TBCE: variants seen among roughly 807,000 people sequenced by gnomAD.
TBCE encodes the protein tubulin folding cofactor E, also known as tubulin-specific chaperone E.
TBCE carries 53 observed loss-of-function variants against 77.0 expected under a neutral mutation model. The observed-to-expected ratio is 0.69, with a 90% CI of 0.55 to 0.87. TBCE has a LOEUF of 0.87. TBCE is among the 40% of genes least tolerant of loss of function. TBCE has a pLI of 0.00. For synonymous variants in TBCE, 235 were observed against 241.3 expected (o/e 0.97, Z 0.24); for missense variants, 624 against 622.4 (o/e 1.00, Z -0.03).
At chr1:235,393,299 G>A (rs1678507467) in intron 2 of TBCE, among the ~76,000 whole-genome samples, 1 of 152,232 alleles carries the variant, frequency 6.6e-6, no homozygotes, top group Non-Finnish European at 1.5e-5. Context: ...AGCACTTTGG[G>A]AGGCCGAGGT....
At position 235,437,436 on chromosome 1, in the gene TBCE, G is replaced by T; in HGVS notation, c.1078G>T (p.Ala360Ser). The change falls in exon 12 of 17, where the codon GCC (alanine) becomes TCC (serine). Residue 360 changes from alanine (A) to serine (S), a missense_variant. Coordinates refer to ENST00000642610, the MANE Select transcript of TBCE (RefSeq NM_003193.5). ...AGAGACGGCGCGACTACTCATTATCGCCAGCATTGGCCAGCTGAAGACGCT... is the reference window on the plus strand; with the variant it reads ...AGAGACGGCGCGACTACTCATTATCTCCAGCATTGGCCAGCTGAAGACGCT... The part of the protein sequence containing the change: ...EAETARLLII[A>S]SIGQLKTLNK... 6.2e-7 allele frequency: 1 copy of T among 1,614,030 alleles called. No individual in the cohort carries two copies. The highest frequency in any genetic ancestry group is 8.5e-7 in the Non-Finnish European group (1 of 1,179,996).
At chr1:235,372,491 G>A (rs926210674) in intron 1 of TBCE, among the ~76,000 whole-genome samples, 8 of 152,152 alleles carry the variant, frequency 5.3e-5, no homozygotes, top group African/African-American at 1.9e-4. Flanking sequence ...CAGCATTAGA[G>A]AAATGATTGG....
At chr1:235,407,362 A>G (rs922665180) in intron 3 of TBCE, among the ~76,000 whole-genome samples, 2 of 152,080 alleles carry the variant, frequency 1.3e-5, no homozygotes, top group African/African-American at 4.8e-5. Flanking sequence ...CTGGGATTAC[A>G]GGTGTTACCC....
intron 4 of TBCE, among the ~76,000 whole-genome samples, chr1:235,417,888 C>G (rs561896645): frequency 2.2e-4 from 33 of 152,290 alleles, no homozygotes; most frequent in African/African-American, 7.7e-4. Context: ...AGCGATTCCC[C>G]TGTCTCAGCC....
At position 235,391,600 on chromosome 1, in the gene TBCE, C is replaced by CTTTTTT. The variant is rs58265980; in HGVS notation, c.101-9884_101-9879dup. Among the ~76,000 whole-genome samples, 79 of 85,394 alleles carry CTTTTTT rather than the reference C, an allele frequency of 9.3e-4. 1 individual carries two copies. Among genetic ancestry groups the CTTTTTT allele is most frequent in the Non-Finnish European group, 1.1e-3 (51 of 47,512 alleles). 56.0% of individuals were successfully genotyped at this position (85,394 alleles called of 152,430 possible). A position where few individuals can be genotyped will look rare whatever the true frequency, so the allele number is the denominator to read the frequency against. On this transcript the variant is annotated intron_variant, in intron 2 of 16. Transcript: ENST00000642610. ...TACCATACCATATTTGCTTCATTTCCTTTTTTTTTTTTTTTTTTTTTTTTG... is the reference window on the plus strand; with the variant it reads ...TACCATACCATATTTGCTTCATTTCCTTTTTTTTTTTTTTTTTTTTTTTTTTTTTTG...
rs1351583901 is a variant in TBCE, at chr1:235,448,348, G to A, written c.1400-1G>A. ...AATGGACTTTTCTTGTCTTTTGATA[G>A]GCTCCATGACAATTCAAAAGGTGAA... On this transcript the variant is annotated splice_acceptor_variant, in intron 15 of 16. Transcript: ENST00000642610. LOFTEE classifies it high-confidence loss of function. 1 of 1,613,678 alleles carries A rather than the reference G, an allele frequency of 6.2e-7. No homozygotes were observed. Among genetic ancestry groups the A allele is most frequent in the African/African-American group, 1.3e-5 (1 of 74,886 alleles).
chr1:235,441,672 C>T lies in TBCE; in HGVS notation c.1271-142C>T, dbSNP rs1681885657. 2.5e-5 allele frequency: 18 copies of T among 712,706 alleles called. No homozygotes were observed. The South Asian group carries it at 3.0e-4, about 12-fold the overall frequency. The allele number at this position is 712,706 out of a possible 1,614,324, so 44.1% of individuals were successfully genotyped here. A position where few individuals can be genotyped will look rare whatever the true frequency, so the allele number is the denominator to read the frequency against. ...CGTTGTCCATCACTCCTAAAAATCA[C>T]ACTGAATAAAGGCAGCTCCATGTGT... On this transcript the variant is annotated intron_variant, in intron 13 of 16. Coordinates refer to ENST00000642610, the MANE Select transcript of TBCE (RefSeq NM_003193.5).
rs1188036302 is a variant in TBCE, at chr1:235,452,272, CTGT to C, written c.*3515_*3517del. The C allele has an allele frequency of 1.3e-5, 2 of 152,178 alleles. 1 individual carries two copies. The highest frequency in any genetic ancestry group is 3.9e-4 in the East Asian group (2 of 5,190). 9.4% of individuals were successfully genotyped at this position (152,178 alleles called of 1,614,324 possible). A position where few individuals can be genotyped will look rare whatever the true frequency, so the allele number is the denominator to read the frequency against. On this transcript the variant is annotated 3_prime_UTR_variant, in exon 17 of 17. Coordinates refer to ENST00000642610, the MANE Select transcript of TBCE (RefSeq NM_003193.5). ...CTCATGATCTGCCCGCCTCGGCCTT[CTGT>C]TGTTAAGTTTTAAAGCTGCAAATAA...
At chr1:235,397,270 G>A (rs1051211172) in intron 2 of TBCE, among the ~76,000 whole-genome samples, 1 of 149,392 alleles carries the variant, frequency 6.7e-6, no homozygotes, top group Non-Finnish European at 1.5e-5. Context: ...GGCGCGATCT[G>A]GGCTCACTGC....
intron 1 of TBCE, among the ~76,000 whole-genome samples, chr1:235,377,902 C>T (rs542971355): frequency 1.1e-3 from 173 of 151,990 alleles, no homozygotes; most frequent in Non-Finnish European, 2.0e-3. Context: ...CCACCCGCCT[C>T]GGCCTCTCAA....
intron 7 of TBCE, among the ~76,000 whole-genome samples, chr1:235,432,415 G>A (rs1681160134): frequency 1.3e-5 from 2 of 152,200 alleles, no homozygotes; most frequent in South Asian, 4.1e-4. Flanking sequence ...TGGCCATGGA[G>A]CCTCTTTCCT....
At chr1:235,400,594 G>A (rs924776628) in intron 2 of TBCE, among the ~76,000 whole-genome samples, 2 of 151,094 alleles carry the variant, frequency 1.3e-5, no homozygotes, top group African/African-American at 2.4e-5. Flanking sequence ...TAGAGACGGC[G>A]TTTCACTGTG....
chr1:235,442,130 T>C (rs1681924531), intron 14 of TBCE, among the ~76,000 whole-genome samples: 1 of 151,320 alleles, frequency 6.6e-6, no homozygotes, highest in South Asian at 2.1e-4. Context: ...TGCCTCAGCC[T>C]CTGGAGTAGC....
rs750026092 is a variant in TBCE at position 235,433,057 on chromosome 1, A to G, written c.661-1147A>G. ...ATGCTCCACCAGCAACTGCATCATC[A>G]GTGCCAAGGACCACACATCCATGCG... On this transcript the variant is annotated intron_variant, in intron 7 of 16. Coordinates refer to ENST00000642610, the MANE Select transcript of TBCE (RefSeq NM_003193.5). 2.1e-5 allele frequency: 33 copies of G among 1,553,154 alleles called. No homozygotes were observed. The South Asian group carries it at 3.0e-4, about 14-fold the overall frequency.
At chr1:235,394,428 T>TTC (rs202188107) in intron 2 of TBCE, among the ~76,000 whole-genome samples, 1 of 137,456 alleles carries the variant, frequency 7.3e-6, no homozygotes, top group East Asian at 2.1e-4. Context: ...CTTTTTTTTT[T>TTC]TTTTTTTTTT....
intron 15 of TBCE, among the ~76,000 whole-genome samples, chr1:235,447,887 A>ATTAC (rs892333634): frequency 2.0e-5 from 3 of 151,858 alleles, no homozygotes; most frequent in Non-Finnish European, 4.4e-5. Flanking sequence ...CTTTCCCCTA[A>ATTAC]TTACTTACTT....
Position 235,397,917 on chromosome 1 carries a change from G to A in TBCE, c.101-3586G>A, listed in dbSNP as rs79528636. ...CTGTAGTTGCTCCTCTATCATTAAT[G>A]TACTGGCCCCAGGGGAAAAGCTTGC... On this transcript the variant is annotated intron_variant, in intron 2 of 16. Transcript: ENST00000642610. Among the ~76,000 whole-genome samples, 36 of 152,218 alleles carry A rather than the reference G, an allele frequency of 2.4e-4. No homozygotes were observed. The East Asian group carries it at 6.4e-3, about 27-fold the overall frequency.
At position 235,419,468 on chromosome 1, in the gene TBCE, T is replaced by C; in HGVS notation, c.372-5T>C. 1 of 1,614,220 alleles carries C rather than the reference T, an allele frequency of 6.2e-7. No individual in the cohort carries two copies. Among genetic ancestry groups the C allele is most frequent in the Non-Finnish European group, 8.5e-7 (1 of 1,180,040 alleles). On this transcript the variant is annotated splice_region_variant and splice_polypyrimidine_tract_variant and intron_variant, in intron 4 of 16. Transcript: ENST00000642610. ...GTATCCATGTGAACTCTGTTTTTCATGCAGTCAGCTGAGCAAGTTGCAAGA... is the reference window on the plus strand; with the variant it reads ...GTATCCATGTGAACTCTGTTTTTCACGCAGTCAGCTGAGCAAGTTGCAAGA...
chr1:235,437,775 A>C (rs1480630577), intron 12 of TBCE, among the ~76,000 whole-genome samples: 13 of 151,518 alleles, frequency 8.6e-5, no homozygotes, highest in African/African-American at 3.1e-4. Context: ...AGCCATGAAC[A>C]TGCCACTGCA....
Sources: gnomAD v4.1 joint callset for allele counts (sites outside exome capture counted in the v4.1 genomes callset) on GRCh38, gnomAD v4.1.1 for gene constraint, MANE v1.5 for transcripts, NCBI Gene and HGNC (gene_info 2026-07-23, HGNC 2026-07-21) for gene names.